The following GRM1 variants were observed in gnomAD, a reference collection of about 807,000 sequenced individuals.
GRM1 encodes glutamate metabotropic receptor 1.
Under a neutral mutation model 90.9 loss-of-function variants are expected in GRM1, and 33 were observed. That is an observed-to-expected ratio of 0.36 (90% CI 0.28 to 0.49). The LOEUF is 0.49. Ranked by LOEUF, GRM1 falls within the 20% of genes least tolerant of loss-of-function variation. The pLI is 0.99. For missense variants in GRM1, 1,190 were observed against 1,534.3 expected (o/e 0.78, Z 3.75); for synonymous variants, 700 against 613.2 (o/e 1.14, Z -2.09).
At chr6:146,151,295 T>C (rs1163691804) in intron 1 of GRM1, among the ~76,000 whole-genome samples, 14 of 152,214 alleles carry the variant, frequency 9.2e-5, no homozygotes, top group African/African-American at 3.4e-4. Flanking sequence ...ATTTTCTCTA[T>C]ATGAATGTTT....
intron 1 of GRM1, among the ~76,000 whole-genome samples, chr6:146,056,909 G>A (rs1775503100): frequency 1.3e-5 from 2 of 152,142 alleles, no homozygotes; most frequent in Non-Finnish European, 2.9e-5. Context: ...ATCTCCTGCT[G>A]TAGTAAACAT....
At chr6:146,325,542 G>A (rs1441202221) in intron 3 of GRM1, among the ~76,000 whole-genome samples, 1 of 152,172 alleles carries the variant, frequency 6.6e-6, no homozygotes, top group African/African-American at 2.4e-5. Context: ...GCCTCAGCCT[G>A]GCTGTACCAT....
rs574499630 is a variant in GRM1, at chr6:146,095,287, C to T, written c.701-64061C>T. 5.9e-5 allele frequency among the ~76,000 whole-genome samples: 9 copies of T among 152,208 alleles called. No homozygotes were observed. The South Asian group carries it at 1.0e-3, about 18-fold the overall frequency. Reference sequence around the variant, plus strand: ...CCCCACTGGCTCTTGCCTATTTAGTCCCTTATGGTCAAATGGTGAGCAGAT... The same window carrying T: ...CCCCACTGGCTCTTGCCTATTTAGTTCCTTATGGTCAAATGGTGAGCAGAT... On this transcript the variant is annotated intron_variant, in intron 1 of 7. Transcript: ENST00000282753.
chr6:146,373,324 C>A (rs1384035687), intron 5 of GRM1, among the ~76,000 whole-genome samples: 1 of 152,104 alleles, frequency 6.6e-6, no homozygotes, highest in African/African-American at 2.4e-5. Flanking sequence ...GTACAGGCTT[C>A]TGATTCTCAG....
intron 2 of GRM1, among the ~76,000 whole-genome samples, chr6:146,276,894 A>G (rs1431279594): frequency 6.6e-6 from 1 of 152,102 alleles, no homozygotes; most frequent in African/African-American, 2.4e-5. Flanking sequence ...TGAGCCCATG[A>G]GCTCGAGACC....
intron 1 of GRM1, among the ~76,000 whole-genome samples, chr6:146,119,866 A>C (rs994884414): frequency 3.3e-5 from 5 of 152,182 alleles, no homozygotes; most frequent in African/African-American, 9.7e-5. Flanking sequence ...GTTTGAAGTC[A>C]GGTAGCGTGA....
At chr6:146,156,409 A>G (rs1333241116) in intron 1 of GRM1, among the ~76,000 whole-genome samples, 1 of 152,170 alleles carries the variant, frequency 6.6e-6, no homozygotes, top group Non-Finnish European at 1.5e-5. Context: ...CTCCGGCTCA[A>G]AAGAAAAAAA....
In GRM1 at chr6:146,436,845, G is replaced by A. The variant is rs373200623; in HGVS notation, c.*2049G>A. 5 of 152,616 alleles carry A rather than the reference G, an allele frequency of 3.3e-5. No individual in the cohort carries two copies. The highest frequency in any genetic ancestry group is 1.9e-4 in the East Asian group (1 of 5,188). The allele number at this position is 152,616 out of a possible 1,614,324, so 9.5% of individuals were successfully genotyped here. On this transcript the variant is annotated 3_prime_UTR_variant, in exon 8 of 8. Transcript: ENST00000282753. Reference sequence around the variant, plus strand: ...GATTTCTCAGCCAAAAATCATCTTAGAATCTTTAAATATCCATTGCATCAT... The same window carrying A: ...GATTTCTCAGCCAAAAATCATCTTAAAATCTTTAAATATCCATTGCATCAT...
At chr6:146,229,259 C>T (rs1360320573) in intron 2 of GRM1, among the ~76,000 whole-genome samples, 2 of 151,648 alleles carry the variant, frequency 1.3e-5, no homozygotes, top group Non-Finnish European at 2.9e-5. Context: ...GCTGGGATTA[C>T]AGGCGTGACC....
intron 2 of GRM1, among the ~76,000 whole-genome samples, chr6:146,191,522 A>C (rs1778935154): frequency 6.6e-6 from 1 of 152,172 alleles, no homozygotes; most frequent in African/African-American, 2.4e-5. Flanking sequence ...ATTTGCTTCT[A>C]AGAATCCTCC....
intron 7 of GRM1, among the ~76,000 whole-genome samples, chr6:146,429,447 T>C (rs770881195): frequency 6.6e-6 from 1 of 152,234 alleles, no homozygotes; most frequent in African/African-American, 2.4e-5. Context: ...TTTGTATTGA[T>C]GACAAACTCG....
intron 1 of GRM1, among the ~76,000 whole-genome samples, chr6:146,075,726 AGAGAATCCTTCCTTTTTTCTTCC>A (rs1223281569): frequency 6.6e-6 from 1 of 152,200 alleles, no homozygotes; most frequent in Non-Finnish European, 1.5e-5. Flanking sequence ...AACTTGTAGG[AGAGAATCCTTCCTTTTTTCTTCC>A]CAGTTTCTGG....
At chr6:146,203,602 T>G (rs900345354) in intron 2 of GRM1, among the ~76,000 whole-genome samples, 3 of 152,190 alleles carry the variant, frequency 2.0e-5, no homozygotes, top group African/African-American at 7.2e-5. Flanking sequence ...TCATTTCTTT[T>G]GTGAACCTCC....
At chr6:146,141,462 C>T (rs75069020) in intron 1 of GRM1, among the ~76,000 whole-genome samples, 8,428 of 151,986 alleles carry the variant, frequency 0.055, 775 homozygotes, top group African/African-American at 0.19. Context: ...TATTATCCTG[C>T]GAAGAAACTT....
At chr6:146,163,223 A>G (rs1777799295) in intron 2 of GRM1, among the ~76,000 whole-genome samples, 2 of 152,164 alleles carry the variant, frequency 1.3e-5, no homozygotes. Context: ...TAGTATTCTT[A>G]CCAAGCAAAT....
rs1316308531 is a variant in GRM1 at position 146,029,799 on chromosome 6, C to T, written c.282C>T (p.Val94=). Residue 94 remains valine (V), a synonymous_variant, in exon 1 of 8, where the codon GTC becomes GTT. Transcript: ENST00000282753. ...TGGATAAGATCAACGCGGACCCGGTCCTCCTGCCCAACATCACCCTGGGCA... is the reference window on the plus strand; with the variant it reads ...TGGATAAGATCAACGCGGACCCGGTTCTCCTGCCCAACATCACCCTGGGCA... ...HTLDKINADP[V]LLPNITLGSE... is the part of the protein sequence containing the mutation. 2 of 1,614,150 alleles carry T rather than the reference C, an allele frequency of 1.2e-6. No individual in the cohort carries two copies. Among genetic ancestry groups the T allele is most frequent in the Non-Finnish European group, 1.7e-6 (2 of 1,180,012 alleles).
At position 146,357,553 on chromosome 6, in the gene GRM1, T is replaced by G; in HGVS notation, c.1461T>G (p.Thr487=). 1 of 1,613,656 alleles carries G rather than the reference T, an allele frequency of 6.2e-7. No individual in the cohort carries two copies. Among genetic ancestry groups the G allele is most frequent in the Non-Finnish European group, 8.5e-7 (1 of 1,179,502 alleles). ...GRYDIMNLQY[T]EANRYDYVHV... is the part of the protein sequence containing the mutation. ...ATGATATCATGAATCTGCAGTACACTGAAGCTAATCGCTATGACTATGTGC... is the reference window on the plus strand; with the variant it reads ...ATGATATCATGAATCTGCAGTACACGGAAGCTAATCGCTATGACTATGTGC... The change falls in exon 5 of 8, where the codon ACT becomes ACG. Residue 487 remains threonine (T), a synonymous_variant. Coordinates refer to ENST00000282753, the MANE Select transcript of GRM1 (RefSeq NM_001278064.2).
intron 2 of GRM1, among the ~76,000 whole-genome samples, chr6:146,294,571 C>A (rs1395594882): frequency 6.6e-6 from 1 of 152,044 alleles, no homozygotes; most frequent in Non-Finnish European, 1.5e-5. Flanking sequence ...TTCATTAGAC[C>A]AAGCATCAAG....
intron 2 of GRM1, among the ~76,000 whole-genome samples, chr6:146,265,016 T>C (rs1056806821): frequency 9.8e-5 from 15 of 152,288 alleles, no homozygotes; most frequent in Non-Finnish European, 1.8e-4. Flanking sequence ...GGTATCCTTT[T>C]TATATGATTT....
Sources: gnomAD v4.1 joint callset for allele counts (sites outside exome capture counted in the v4.1 genomes callset) on GRCh38, gnomAD v4.1.1 for gene constraint, MANE v1.5 for transcripts, NCBI Gene and HGNC (gene_info 2026-07-23, HGNC 2026-07-21) for gene names.